The following KHDRBS3 variants were observed in gnomAD, a reference collection of about 807,000 sequenced individuals.
The protein encoded by KHDRBS3 is KH RNA binding domain containing, signal transduction associated 3, also known as KH domain-containing, RNA-binding, signal transduction-associated protein 3.
A neutral mutation model predicts 45.6 loss-of-function variants in KHDRBS3; 23 were observed. The observed-to-expected ratio is 0.50, with a 90% CI of 0.36 to 0.72. The LOEUF (loss-of-function observed/expected upper bound fraction) is 0.72. Among genes scored for constraint, KHDRBS3 ranks in the 30% least tolerant of loss-of-function variants. The probability of loss-of-function intolerance (pLI) is 0.00; values close to 1 mark genes in which losing one functional copy is unlikely to be tolerated. For missense variants in KHDRBS3, 352 were observed against 424.8 expected (o/e 0.83, Z 1.51); for synonymous variants, 162 against 156.5 (o/e 1.04, Z -0.26).
intron 1 of KHDRBS3, among the ~76,000 whole-genome samples, chr8:135,519,231 AT>A (rs1204835024): frequency 6.6e-6 from 1 of 152,010 alleles, no homozygotes; most frequent in Non-Finnish European, 1.5e-5. Flanking sequence ...CTTAATCCCT[AT>A]TGTATAGTGT....
At chr8:135,621,720 G>C (rs112341804) in intron 7 of KHDRBS3, among the ~76,000 whole-genome samples, 8 of 148,452 alleles carry the variant, frequency 5.4e-5, no homozygotes, top group African/African-American at 2.0e-4. Flanking sequence ...AAAAAAAAAC[G>C]TGCAGTGGTC....
chr8:135,519,474 T>C (rs1355993642), intron 1 of KHDRBS3, among the ~76,000 whole-genome samples: 1 of 152,156 alleles, frequency 6.6e-6, no homozygotes, highest in Admixed American at 6.5e-5. Flanking sequence ...TTTGGTAATT[T>C]GCTATAATGA....
intron 7 of KHDRBS3, among the ~76,000 whole-genome samples, chr8:135,630,556 A>T (rs1830554688): frequency 6.6e-6 from 1 of 150,706 alleles, no homozygotes; most frequent in African/African-American, 2.4e-5. Flanking sequence ...ATGCATCCTT[A>T]GGTAATTTCA....
chr8:135,632,344 C>T (rs1211047464), intron 7 of KHDRBS3, among the ~76,000 whole-genome samples: 1 of 152,098 alleles, frequency 6.6e-6, no homozygotes, highest in Non-Finnish European at 1.5e-5. Flanking sequence ...TTCTCCATCT[C>T]TTGCTAGACC....
intron 6 of KHDRBS3, among the ~76,000 whole-genome samples, chr8:135,600,620 G>A (rs1586784600): frequency 2.0e-5 from 3 of 152,322 alleles, no homozygotes; most frequent in Non-Finnish European, 4.4e-5. Flanking sequence ...CAAGTGCACG[G>A]TCTGATTTTT....
downstream of KHDRBS3, among the ~76,000 whole-genome samples, chr8:135,649,076 AATG>A (rs1313526993): frequency 6.6e-6 from 1 of 152,164 alleles, no homozygotes; most frequent in African/African-American, 2.4e-5. Context: ...TTATGAAACA[AATG>A]ATAAGTATTA....
At chr8:135,608,519 C>T (rs1315592595) in intron 7 of KHDRBS3, among the ~76,000 whole-genome samples, 1 of 152,162 alleles carries the variant, frequency 6.6e-6, no homozygotes, top group Non-Finnish European at 1.5e-5. Context: ...GATCACATAA[C>T]CAAGAGATTC....
intron 5 of KHDRBS3, among the ~76,000 whole-genome samples, chr8:135,573,337 T>C (rs923386797): frequency 6.6e-6 from 1 of 152,262 alleles, no homozygotes; most frequent in African/African-American, 2.4e-5. Context: ...TCAGACCACA[T>C]TGCTGTTGCT....
chr8:135,573,290 A>G (rs1225216178), intron 5 of KHDRBS3, among the ~76,000 whole-genome samples: 1 of 152,216 alleles, frequency 6.6e-6, no homozygotes, highest in African/African-American at 2.4e-5. Context: ...TTTATAGACA[A>G]AAGCCAAAAA....
At chr8:135,563,083 T>C (rs1189749144) in intron 5 of KHDRBS3, among the ~76,000 whole-genome samples, 1 of 152,222 alleles carries the variant, frequency 6.6e-6, no homozygotes, top group African/African-American at 2.4e-5. Context: ...TCAGTCACAA[T>C]GATTTTTTCA....
At chr8:135,588,805 A>G (rs554225689) in intron 6 of KHDRBS3, among the ~76,000 whole-genome samples, 1 of 152,244 alleles carries the variant, frequency 6.6e-6, no homozygotes, top group East Asian at 1.9e-4. Flanking sequence ...TACCAAATCT[A>G]AATTTCTAAC....
chr8:135,552,963 A>G (rs1438997399), intron 4 of KHDRBS3, among the ~76,000 whole-genome samples: 4 of 152,090 alleles, frequency 2.6e-5, no homozygotes, highest in South Asian at 2.1e-4. Flanking sequence ...TTGCTCTGGG[A>G]TGCCTCCTGT....
At chr8:135,499,592 G>T (rs781326748) in intron 1 of KHDRBS3, among the ~76,000 whole-genome samples, 3 of 152,172 alleles carry the variant, frequency 2.0e-5, no homozygotes, top group Non-Finnish European at 4.4e-5. Context: ...TTAGATACGG[G>T]ATATAGCCAG....
chr8:135,582,675 T>G (rs750086550), intron 6 of KHDRBS3, among the ~76,000 whole-genome samples: 26 of 152,176 alleles, frequency 1.7e-4, no homozygotes, highest in Middle Eastern at 3.2e-3. Flanking sequence ...TCATTTACCA[T>G]AAATGAAGAA....
At chr8:135,645,992 A>ATTTTTTTTTTTTTTTTTTT (rs57082119) in intron 8 of KHDRBS3, among the ~76,000 whole-genome samples, 1 of 100,688 alleles carries the variant, frequency 9.9e-6, no homozygotes, top group Non-Finnish European at 1.8e-5. Flanking sequence ...TGCACCTTGG[A>ATTTTTTTTTTTTTTTTTTT]TTTTTTTTTT....
At chr8:135,556,361 A>G (rs1320111691) in intron 4 of KHDRBS3, among the ~76,000 whole-genome samples, 1 of 152,226 alleles carries the variant, frequency 6.6e-6, no homozygotes, top group Non-Finnish European at 1.5e-5. Context: ...ACAATGTAAA[A>G]GCATTCCTAT....
Position 135,457,902 on chromosome 8 carries a change from G to A in KHDRBS3, c.36G>A (p.Glu12=), listed in dbSNP as rs753939663. Residue 12 remains glutamate, a synonymous_variant, in exon 1 of 9, where the codon GAG becomes GAA. Transcript: ENST00000355849. The surrounding 1 kb of genome is among the most constrained non-coding windows in gnomAD (Gnocchi z 4.4). ...EEKYLPELMA[E]KDSLDPSFTH... is the part of the protein sequence containing the mutation. The stretch of plus-strand genomic sequence containing the variant: ...AGTACCTGCCCGAGCTGATGGCGGA[G>A]AAGGACTCCCTGGACCCCTCCTTCA... 29 of 1,601,490 alleles carry A rather than the reference G, an allele frequency of 1.8e-5. No individual in the cohort carries two copies. Among genetic ancestry groups the A allele is most frequent in the Non-Finnish European group, 2.3e-5 (27 of 1,174,968 alleles).
At chr8:135,481,939 T>C (rs1465795824) in intron 1 of KHDRBS3, among the ~76,000 whole-genome samples, 2 of 152,160 alleles carry the variant, frequency 1.3e-5, no homozygotes, top group Non-Finnish European at 2.9e-5. Context: ...GGGAACAAAA[T>C]GTGCCAAACT....
intron 6 of KHDRBS3, among the ~76,000 whole-genome samples, chr8:135,598,538 C>T (rs1045291710): frequency 6.6e-6 from 1 of 152,132 alleles, no homozygotes; most frequent in African/African-American, 2.4e-5. Context: ...TAATATTTTC[C>T]TCACAGCCCT....
Sources: allele counts gnomAD v4.1 joint callset (sites outside exome capture counted in the v4.1 genomes callset), GRCh38; gene constraint gnomAD v4.1.1; non-coding constraint Gnocchi (gnomAD v3.1); transcripts MANE v1.5; gene names NCBI Gene and HGNC (gene_info 2026-07-23, HGNC 2026-07-21).